The following PRIM2 variants were observed in gnomAD, a reference collection of about 807,000 sequenced individuals.
PRIM2 encodes the protein DNA primase subunit 2.
A neutral mutation model predicts 67.3 loss-of-function variants in PRIM2; 39 were observed. The ratio of observed to expected loss-of-function variants is 0.58; its 90% CI spans 0.45 to 0.76. The LOEUF is 0.76. Ranked by LOEUF, PRIM2 falls within the 30% of genes least tolerant of loss-of-function variation. PRIM2 has a pLI of 0.00. For missense variants in PRIM2, 398 were observed against 598.7 expected, an observed-to-expected ratio of 0.66 and a Z score of 3.50; for synonymous variants, 143 against 198.7, an observed-to-expected ratio of 0.72 and a Z score of 2.36.
At chr6:57,320,583 G>T in intron 3 of PRIM2, 23 bp downstream of exon 3, 2 of 1,456,178 alleles carry the variant, frequency 1.4e-6, no homozygotes, top group South Asian at 1.2e-5. Context: ...GGAAAAAAAA[G>T]TTCCTTCAGT....
At chr6:57,226,053 T>TA in the PRIM2 span, among the ~76,000 whole-genome samples, 9 of 151,836 alleles carry the variant, frequency 5.9e-5, no homozygotes, top group Admixed American at 3.3e-4. Context: ...ATTTATCCAT[T>TA]AAAAAAAATA....
At chr6:57,420,927 G>A (rs1771440689) in intron 7 of PRIM2, among the ~76,000 whole-genome samples, 1 of 152,222 alleles carries the variant, frequency 6.6e-6, no homozygotes, top group South Asian at 2.1e-4. Flanking sequence ...ATCAGGGATA[G>A]TAGTGACAGT....
the PRIM2 span, among the ~76,000 whole-genome samples, chr6:57,228,990 A>C: frequency 6.6e-6 from 1 of 152,344 alleles, no homozygotes; most frequent in East Asian, 1.9e-4. Flanking sequence ...TAAGTGGTGA[A>C]ATGCCAATGG....
At chr6:57,409,710 T>G (rs1250684185) in intron 7 of PRIM2, among the ~76,000 whole-genome samples, 3 of 152,248 alleles carry the variant, frequency 2.0e-5, no homozygotes, top group Non-Finnish European at 2.9e-5. Context: ...TTTCCATATC[T>G]TGAATATGTG....
upstream of PRIM2, among the ~76,000 whole-genome samples, chr6:57,317,393 C>T (rs1888265): frequency 0.83 from 125,745 of 152,126 alleles, 52,140 homozygotes; most frequent in East Asian, 0.97. Context: ...ACCCCAGTTT[C>T]AACCGTTAAA....
At chr6:57,457,596 A>G (rs1192164359) in intron 7 of PRIM2, among the ~76,000 whole-genome samples, 2 of 151,956 alleles carry the variant, frequency 1.3e-5, no homozygotes, top group East Asian at 3.9e-4. Flanking sequence ...CAGGCGTGGG[A>G]TATAATCTCT....
chr6:57,274,209 G>C, the PRIM2 span, among the ~76,000 whole-genome samples: 1 of 152,238 alleles, frequency 6.6e-6, no homozygotes, highest in Non-Finnish European at 1.5e-5. Flanking sequence ...TTGTTTGTCT[G>C]TGCCCTGCCC....
intron 7 of PRIM2, among the ~76,000 whole-genome samples, chr6:57,462,052 G>T (rs9476000): frequency 2.0e-5 from 3 of 152,182 alleles, no homozygotes; most frequent in Admixed American, 1.3e-4. Context: ...ACTGACACAG[G>T]TATCTGTCCA....
At chr6:57,485,758 T>C (rs1368404427) in intron 7 of PRIM2, among the ~76,000 whole-genome samples, 215 of 152,316 alleles carry the variant, frequency 1.4e-3, no homozygotes, top group Non-Finnish European at 2.4e-3. Context: ...TAGGACATTT[T>C]CCTTACATAC....
chr6:57,517,533 T>G (rs1215230420), intron 8 of PRIM2, among the ~76,000 whole-genome samples: 1 of 152,186 alleles, frequency 6.6e-6, no homozygotes, highest in African/African-American at 2.4e-5. Flanking sequence ...TTTTATTTAA[T>G]TTTAATTAAT....
intron 5 of PRIM2, among the ~76,000 whole-genome samples, chr6:57,339,831 G>T (rs1768406089): frequency 6.6e-6 from 1 of 152,056 alleles, no homozygotes; most frequent in African/African-American, 2.4e-5. Flanking sequence ...AAAAGCAATG[G>T]CAACAAAAGC....
chr6:57,430,520 C>G (rs1268457603), intron 7 of PRIM2, among the ~76,000 whole-genome samples: 1 of 135,480 alleles, frequency 7.4e-6, no homozygotes, highest in Non-Finnish European at 1.5e-5. Flanking sequence ...GTGGCGCAAT[C>G]TCAGCTCACT....
chr6:57,237,949 A>G, the PRIM2 span, among the ~76,000 whole-genome samples: 5 of 152,136 alleles, frequency 3.3e-5, no homozygotes, highest in African/African-American at 1.2e-4. Context: ...ACCAATGACG[A>G]TCAAAAGAGA....
At chr6:57,576,524 C>A (rs1775966862) in intron 10 of PRIM2, among the ~76,000 whole-genome samples, 1 of 152,198 alleles carries the variant, frequency 6.6e-6, no homozygotes, top group African/African-American at 2.4e-5. Context: ...CCATCAATAA[C>A]TTAATTCAGT....
At chr6:57,383,942 CT>C (rs1367336084) in intron 7 of PRIM2, among the ~76,000 whole-genome samples, 9 of 152,196 alleles carry the variant, frequency 5.9e-5, no homozygotes, top group Admixed American at 5.9e-4. Flanking sequence ...TTAGTATTTT[CT>C]TTTCTAGTTG....
chr6:57,374,084 G>T (rs1769662694), intron 5 of PRIM2, among the ~76,000 whole-genome samples: 1 of 151,704 alleles, frequency 6.6e-6, no homozygotes, highest in South Asian at 2.1e-4. Flanking sequence ...CATGAGCATG[G>T]AATATTTTTC....
chr6:57,471,324 G>A (rs1431211341), intron 7 of PRIM2, among the ~76,000 whole-genome samples: 4 of 152,278 alleles, frequency 2.6e-5, no homozygotes, highest in Admixed American at 2.0e-4. Flanking sequence ...ATAAAAAAGG[G>A]TGGTTGGTGA....
chr6:57,515,306 G>T (rs1429769748), intron 8 of PRIM2, among the ~76,000 whole-genome samples: 2 of 152,194 alleles, frequency 1.3e-5, no homozygotes, highest in African/African-American at 2.4e-5. Flanking sequence ...AACAGTTTCT[G>T]TGTGTTCAGG....
At chr6:57,553,078 A>G (rs1775436085) in intron 10 of PRIM2, among the ~76,000 whole-genome samples, 1 of 152,228 alleles carries the variant, frequency 6.6e-6, no homozygotes, top group African/African-American at 2.4e-5. Context: ...GTTAAGTGAT[A>G]TTGTTCAGTA....
Sources: allele counts gnomAD v4.1 joint callset (sites outside exome capture counted in the v4.1 genomes callset), GRCh38; gene constraint gnomAD v4.1.1; transcripts MANE v1.5; gene names NCBI Gene and HGNC (gene_info 2026-07-23, HGNC 2026-07-21).